Variants in G3BP1 observed in about 807,000 individuals in gnomAD.
The protein encoded by G3BP1 is ras GTPase-activating protein-binding protein 1.
A neutral mutation model predicts 58.6 loss-of-function variants in G3BP1; 35 were observed. That is an observed-to-expected ratio of 0.60 (90% CI 0.46 to 0.79). G3BP1 has a LOEUF of 0.79. Among genes scored for constraint, G3BP1 ranks in the 30% least tolerant of loss-of-function variants. The pLI is 0.00. For synonymous variants in G3BP1, 191 were observed against 195.4 expected (o/e 0.98, Z 0.19); for missense variants, 523 against 580.8 (o/e 0.90, Z 1.02).
intron 7 of G3BP1, 131 bp downstream of exon 7, chr5:151,797,559 T>A: frequency 1.0e-6 from 1 of 986,408 alleles, no homozygotes; most frequent in Non-Finnish European, 1.5e-6. Context: ...CAGGGAAATT[T>A]CTTAGATATT....
At chr5:151,785,706 A>G (rs1433932198) in intron 1 of G3BP1, among the ~76,000 whole-genome samples, 1 of 152,192 alleles carries the variant, frequency 6.6e-6, no homozygotes, top group Non-Finnish European at 1.5e-5. Context: ...TACAGTAGGA[A>G]TTATTTTGAG....
intron 4 of G3BP1, chr5:151,791,495 TG>T (rs1423461065): frequency 6.3e-6 from 1 of 159,318 alleles, no homozygotes; most frequent in East Asian, 1.8e-4. Context: ...CTTAATCTTT[TG>T]TTTTTTTTTA....
At position 151,790,529 on chromosome 5, in the gene G3BP1, A is replaced by G. The variant is rs112507703; in HGVS notation, c.177+125A>G. ...TTTCTCAACTTTTTAGTAAAAGTTG[A>G]TGTGTTTTATTACTATTTGATTAAT... On this transcript the variant is annotated intron_variant, in intron 3 of 11. Transcript: ENST00000356245. The G allele has an allele frequency of 9.6e-6, 5 of 518,874 alleles. No individual in the cohort carries two copies. The East Asian group carries it at 1.7e-4, about 17-fold the overall frequency. 32.1% of individuals were successfully genotyped at this position (518,874 alleles called of 1,614,324 possible).
Position 151,811,684 on chromosome 5 carries a change from A to T in G3BP1, c.*7593A>T, listed in dbSNP as rs1763021061. The T allele has an allele frequency of 6.6e-6, 1 of 152,254 alleles. No individual in the cohort carries two copies. Among genetic ancestry groups the T allele is most frequent in the Non-Finnish European group, 1.5e-5 (1 of 68,018 alleles). The allele number at this position is 152,254 out of a possible 1,614,324, so 9.4% of individuals were successfully genotyped here. A position where few individuals can be genotyped will look rare whatever the true frequency, so the allele number is the denominator to read the frequency against. On this transcript the variant is annotated 3_prime_UTR_variant, in exon 12 of 12. Coordinates refer to ENST00000356245, the MANE Select transcript of G3BP1 (RefSeq NM_005754.3). ...CCATAACTTTTGTGACTTCATGCAA[A>T]AAAAGGGGGGAAGAGTAAGGGGCAA...
At chr5:151,778,150 A>G (rs80311110) in intron 1 of G3BP1, among the ~76,000 whole-genome samples, 1,725 of 152,294 alleles carry the variant, frequency 0.011, 29 homozygotes, top group African/African-American at 0.032. Flanking sequence ...TAGTAGATGT[A>G]TGCCTAACTT....
At chr5:151,800,061 GA>G in intron 9 of G3BP1, 61 bp downstream of exon 9, 1 of 1,215,168 alleles carries the variant, frequency 8.2e-7, no homozygotes, top group Non-Finnish European at 1.2e-6. Flanking sequence ...CTTATTTTGG[GA>G]GGGCAGTTGA....
At chr5:151,774,176 G>T (rs1212141150) in intron 1 of G3BP1, among the ~76,000 whole-genome samples, 1 of 152,140 alleles carries the variant, frequency 6.6e-6, no homozygotes, top group Non-Finnish European at 1.5e-5. Context: ...CTGCTTACCG[G>T]TACAAAAGTC....
chr5:151,802,295 G>C (rs1762868813), intron 11 of G3BP1, among the ~76,000 whole-genome samples: 1 of 152,220 alleles, frequency 6.6e-6, no homozygotes, highest in Non-Finnish European at 1.5e-5. Flanking sequence ...GAAATGTCCA[G>C]TAGGCTTTGT....
chr5:151,773,318 C>G (rs1762309909), intron 1 of G3BP1, among the ~76,000 whole-genome samples: 1 of 131,602 alleles, frequency 7.6e-6, no homozygotes, highest in Admixed American at 7.3e-5. Context: ...AGGTTGGCGC[C>G]CAGTTACAGT....
chr5:151,773,192 CT>C (rs1158314981), intron 1 of G3BP1, among the ~76,000 whole-genome samples: 2 of 151,844 alleles, frequency 1.3e-5, no homozygotes, highest in African/African-American at 2.4e-5. Context: ...TTGGAGGAGA[CT>C]TTTGCAGAAA....
At chr5:151,790,544 A>G (rs1308664430) in intron 3 of G3BP1, 140 bp downstream of exon 3, 1 of 503,484 alleles carries the variant, frequency 2.0e-6, no homozygotes, top group African/African-American at 2.0e-5. Context: ...TTTTATTACT[A>G]TTTGATTAAT....
Position 151,805,815 on chromosome 5 carries a change from A to C in G3BP1, c.*1724A>C, listed in dbSNP as rs1021445551. On this transcript the variant is annotated 3_prime_UTR_variant, in exon 12 of 12. Coordinates refer to ENST00000356245, the MANE Select transcript of G3BP1 (RefSeq NM_005754.3). ...TATACTTTTGTAGCTTATATTAAGC[A>C]TGTGGTGGGTGGAAAGAAAAGTTTA... 1 of 152,236 alleles carries C rather than the reference A, an allele frequency of 6.6e-6. No individual in the cohort carries two copies. Among genetic ancestry groups the C allele is most frequent in the South Asian group, 2.1e-4 (1 of 4,832 alleles). 9.4% of individuals were successfully genotyped at this position (152,236 alleles called of 1,614,324 possible). A position where few individuals can be genotyped will look rare whatever the true frequency, so the allele number is the denominator to read the frequency against.
At chr5:151,786,931 C>A in intron 2 of G3BP1, 1 of 330,194 alleles carries the variant, frequency 3.0e-6, no homozygotes, top group Non-Finnish European at 5.5e-6. Context: ...CAACGTCCAC[C>A]TCCCCAGTTT....
At chr5:151,778,310 T>C (rs1762407831) in intron 1 of G3BP1, among the ~76,000 whole-genome samples, 1 of 152,242 alleles carries the variant, frequency 6.6e-6, no homozygotes, top group Non-Finnish European at 1.5e-5. Context: ...TGTTTAGTGG[T>C]ACCTCACAGG....
chr5:151,806,326 T>C lies in G3BP1; in HGVS notation c.*2235T>C, dbSNP rs945813896. ...GAATTAGTAATTTCACTTTTTATTATTTGTACCAAATGTATGTGTGTGTTG... is the reference window on the plus strand; with the variant it reads ...GAATTAGTAATTTCACTTTTTATTACTTGTACCAAATGTATGTGTGTGTTG... On this transcript the variant is annotated 3_prime_UTR_variant, in exon 12 of 12. Coordinates refer to ENST00000356245, the MANE Select transcript of G3BP1 (RefSeq NM_005754.3). The C allele has an allele frequency of 6.6e-6, 1 of 152,228 alleles. No individual in the cohort carries two copies. The highest frequency in any genetic ancestry group is 1.5e-5 in the Non-Finnish European group (1 of 68,046). 9.4% of individuals were successfully genotyped at this position (152,228 alleles called of 1,614,324 possible).
In G3BP1 at chr5:151,805,403, G is replaced by T. The variant is rs1295637106; in HGVS notation, c.*1312G>T. The T allele has an allele frequency of 6.6e-6, 1 of 152,588 alleles. No individual in the cohort carries two copies. The highest frequency in any genetic ancestry group is 1.5e-5 in the Non-Finnish European group (1 of 68,024). 9.5% of individuals were successfully genotyped at this position (152,588 alleles called of 1,614,324 possible). ...GTTTCACATATGTGTTATTTGTTGA[G>T]TGCTGTGTGTGAGATGGGTGAAGGT... On this transcript the variant is annotated 3_prime_UTR_variant, in exon 12 of 12. Transcript: ENST00000356245.
chr5:151,799,306 C>A lies in G3BP1; in HGVS notation c.836C>A (p.Ala279Asp). The A allele has an allele frequency of 2.6e-6, 4 of 1,514,102 alleles. No homozygotes were observed. Among genetic ancestry groups the A allele is most frequent in the South Asian group, 1.1e-5 (1 of 88,928 alleles). 93.8% of individuals were successfully genotyped at this position (1,514,102 alleles called of 1,614,324 possible). ...CCACCTCATGTTGTTAAAGTACCAGCTTCACAGGTAAGGTCCTAATAAAAC... is the reference window on the plus strand; with the variant it reads ...CCACCTCATGTTGTTAAAGTACCAGATTCACAGGTAAGGTCCTAATAAAAC... ...GIPPHVVKVP[A>D]SQPRPESKPE... Residue 279 changes from alanine to aspartate, a missense_variant, in exon 8 of 12, where the codon GCT becomes GAT. Ala to Asp is a moderately radical substitution (Grantham distance 126). This residue lies in a region of G3BP1 where 398 missense variants were observed against 399.1 expected (regional missense o/e 1.00). Transcript: ENST00000356245.
chr5:151,795,351 A>C, intron 5 of G3BP1, 128 bp from the exon 6 acceptor site: 1 of 597,520 alleles, frequency 1.7e-6, no homozygotes. Context: ...CCATGATTTT[A>C]CCAAATTGTC....
rs1293404230 is a variant in G3BP1 at position 151,808,139 on chromosome 5, T to G, written c.*4048T>G. The G allele has an allele frequency of 6.6e-6, 1 of 152,194 alleles. No individual in the cohort carries two copies. The highest frequency in any genetic ancestry group is 1.5e-5 in the Non-Finnish European group (1 of 68,034). 9.4% of individuals were successfully genotyped at this position (152,194 alleles called of 1,614,324 possible). A position where few individuals can be genotyped will look rare whatever the true frequency, so the allele number is the denominator to read the frequency against. On this transcript the variant is annotated 3_prime_UTR_variant, in exon 12 of 12. Coordinates refer to ENST00000356245, the MANE Select transcript of G3BP1 (RefSeq NM_005754.3). ...TGTGGCACAAGATGATAACTAAGAATTTCTGGTTCTAAGGTAGTAATGCCT... is the reference window on the plus strand; with the variant it reads ...TGTGGCACAAGATGATAACTAAGAAGTTCTGGTTCTAAGGTAGTAATGCCT...
Sources: gnomAD v4.1 joint callset for allele counts (sites outside exome capture counted in the v4.1 genomes callset) on GRCh38, gnomAD v4.1.1 for gene constraint, gnomAD v4.1.1 regional missense constraint, MANE v1.5 for transcripts, NCBI Gene and HGNC (gene_info 2026-07-23, HGNC 2026-07-21) for gene names.